The following HSPA13 variants were observed in gnomAD, a reference collection of about 807,000 sequenced individuals.
HSPA13 encodes heat shock protein family A (Hsp70) member 13.
A neutral mutation model predicts 38.8 loss-of-function variants in HSPA13; 29 were observed. That is an observed-to-expected ratio of 0.75 (90% confidence interval 0.56 to 1.02). HSPA13 has a LOEUF of 1.02. Among genes scored for constraint, HSPA13 ranks in the 50% least tolerant of loss-of-function variants. The pLI, the probability that HSPA13 is intolerant of heterozygous loss-of-function variation, is 0.00. For missense variants in HSPA13, 451 were observed against 560.9 expected (o/e 0.80, Z 1.98); for synonymous variants, 192 against 205.3 (o/e 0.94, Z 0.56).
intron 1 of HSPA13, among the ~76,000 whole-genome samples, chr21:14,381,910 T>C (rs574528091): frequency 1.7e-4 from 26 of 152,350 alleles, no homozygotes; most frequent in Non-Finnish European, 3.4e-4. Flanking sequence ...TCTTGATCAA[T>C]TGATATTTAG....
intron 4 of HSPA13, among the ~76,000 whole-genome samples, chr21:14,374,674 A>T (rs750006097): frequency 1.3e-5 from 2 of 152,240 alleles, no homozygotes; most frequent in Non-Finnish European, 2.9e-5. Flanking sequence ...CAAAATTTTA[A>T]ATTATATAAA....
intron 2 of HSPA13, among the ~76,000 whole-genome samples, chr21:14,380,656 G>C (rs1197390448): frequency 6.6e-6 from 1 of 152,058 alleles, no homozygotes; most frequent in Non-Finnish European, 1.5e-5. Flanking sequence ...TTCAAGTTAG[G>C]AAACTTTCAG....
chr21:14,371,656 G>T lies in HSPA13; in HGVS notation c.*1961C>A, dbSNP rs1168725880. Reference sequence around the variant, plus strand: ...GGAATTATTTAAATTCCAACTTCAGGACATGAGATGAGCTGCCTGCCCTAT... The same window carrying T: ...GGAATTATTTAAATTCCAACTTCAGTACATGAGATGAGCTGCCTGCCCTAT... On this transcript the variant is annotated 3_prime_UTR_variant, in exon 5 of 5. Coordinates refer to ENST00000285667, the MANE Select transcript of HSPA13 (RefSeq NM_006948.5). The T allele has an allele frequency of 6.6e-6, 1 of 151,992 alleles. No homozygotes were observed. The highest frequency in any genetic ancestry group is 2.4e-5 in the African/African-American group (1 of 41,430). The allele number at this position is 151,992 out of a possible 1,614,324, so 9.4% of individuals were successfully genotyped here.
At position 14,372,459 on chromosome 21, in the gene HSPA13, C is replaced by T. The variant is rs1277960581; in HGVS notation, c.*1158G>A. The T allele has an allele frequency of 2.0e-5, 3 of 152,082 alleles. No individual in the cohort carries two copies. The highest frequency in any genetic ancestry group is 4.4e-5 in the Non-Finnish European group (3 of 67,968). The allele number at this position is 152,082 out of a possible 1,614,324, so 9.4% of individuals were successfully genotyped here. A position where few individuals can be genotyped will look rare whatever the true frequency, so the allele number is the denominator to read the frequency against. ...GCTCCAAATGCCGATTTGTAGAAAC[C>T]TTGCCACAATGGCTTCCACATTAGA... On this transcript the variant is annotated 3_prime_UTR_variant, in exon 5 of 5. Coordinates refer to ENST00000285667, the MANE Select transcript of HSPA13 (RefSeq NM_006948.5).
Position 14,381,376 on chromosome 21 carries a change from T to A in HSPA13, c.193A>T (p.Ile65Phe). 1 of 1,614,180 alleles carries A rather than the reference T, an allele frequency of 6.2e-7. No homozygotes were observed. The highest frequency in any genetic ancestry group is 8.5e-7 in the Non-Finnish European group (1 of 1,180,028). ...VKVIPDENGH[I>F]SIPSMVSFTD... is the part of the protein sequence containing the mutation. ...AAAGACACCATGCTGGGTATGCTGA[T>A]ATGCCCATTTTCATCTGGAATCACC... The change falls in exon 2 of 5, where the codon ATC (isoleucine) becomes TTC (phenylalanine). Residue 65 changes from isoleucine to phenylalanine, a missense_variant. Ile to Phe is a conservative substitution (Grantham distance 21). Coordinates refer to ENST00000285667, the MANE Select transcript of HSPA13 (RefSeq NM_006948.5).
At chr21:14,376,159 A>T (rs1189449215) in intron 3 of HSPA13, among the ~76,000 whole-genome samples, 1 of 152,226 alleles carries the variant, frequency 6.6e-6, no homozygotes, top group African/African-American at 2.4e-5. Context: ...ATGAGCGATA[A>T]AAATTTAATC....
intron 4 of HSPA13, 29 bp from the exon 5 acceptor site, chr21:14,374,313 T>G (rs1983962559): frequency 6.5e-7 from 1 of 1,539,602 alleles, no homozygotes; most frequent in South Asian, 1.1e-5. Context: ...TTTAATATAG[T>G]TATGCATATA....
At chr21:14,375,586 C>A in intron 4 of HSPA13, 66 bp downstream of exon 4, 1 of 1,400,956 alleles carries the variant, frequency 7.1e-7, no homozygotes, top group Non-Finnish European at 9.9e-7. Flanking sequence ...CCCGCCTCGG[C>A]CTCCCAAAGT....
intron 4 of HSPA13, among the ~76,000 whole-genome samples, chr21:14,374,675 A>G (rs1269654483): frequency 6.6e-6 from 1 of 152,244 alleles, no homozygotes; most frequent in Admixed American, 6.5e-5. Context: ...AAAATTTTAA[A>G]TTATATAAAA....
chr21:14,380,307 A>G lies in HSPA13; in HGVS notation c.366+896T>C, dbSNP rs1260517896. Reference sequence around the variant, plus strand: ...AAAAAGGTAAGGAAAAGATAACAAAAACATATAATGAAGGTCTTTTATAGC... The same window carrying G: ...AAAAAGGTAAGGAAAAGATAACAAAGACATATAATGAAGGTCTTTTATAGC... On this transcript the variant is annotated intron_variant, in intron 2 of 4. Coordinates refer to ENST00000285667, the MANE Select transcript of HSPA13 (RefSeq NM_006948.5). Among the ~76,000 whole-genome samples the G allele has an allele frequency of 2.6e-5, 4 of 151,896 alleles. No individual in the cohort carries two copies. The South Asian group carries it at 8.3e-4, about 31-fold the overall frequency.
At chr21:14,375,096 A>G (rs896130236) in intron 4 of HSPA13, among the ~76,000 whole-genome samples, 1 of 152,232 alleles carries the variant, frequency 6.6e-6, no homozygotes, top group Non-Finnish European at 1.5e-5. Flanking sequence ...AGAATGCATA[A>G]TCCTATCATT....
rs1397493950 is a variant in HSPA13 at position 14,371,230 on chromosome 21, T to C, written c.*2387A>G. On this transcript the variant is annotated 3_prime_UTR_variant, in exon 5 of 5. Transcript: ENST00000285667. ...CACAATAACTGTAATATTTAGTACATGTTATACACAGCAGTATCTGTTAAG... is the reference window on the plus strand; with the variant it reads ...CACAATAACTGTAATATTTAGTACACGTTATACACAGCAGTATCTGTTAAG... 1 of 152,608 alleles carries C rather than the reference T, an allele frequency of 6.6e-6. No homozygotes were observed. The highest frequency in any genetic ancestry group is 6.6e-5 in the Admixed American group (1 of 15,256). The allele number at this position is 152,608 out of a possible 1,614,324, so 9.5% of individuals were successfully genotyped here.
intron 1 of HSPA13, among the ~76,000 whole-genome samples, chr21:14,382,540 T>TA (rs1205502182): frequency 6.6e-6 from 1 of 151,672 alleles, no homozygotes; most frequent in Non-Finnish European, 1.5e-5. Flanking sequence ...CTCAAAGAAA[T>TA]AAAACCAAGT....
At chr21:14,374,908 AT>A (rs1983981952) in intron 4 of HSPA13, among the ~76,000 whole-genome samples, 5 of 152,182 alleles carry the variant, frequency 3.3e-5, no homozygotes, top group African/African-American at 4.8e-5. Flanking sequence ...TGAAAACTAG[AT>A]AAATAATTTC....
At chr21:14,380,045 T>G (rs1019950765) in intron 2 of HSPA13, among the ~76,000 whole-genome samples, 1 of 151,804 alleles carries the variant, frequency 6.6e-6, no homozygotes, top group Non-Finnish European at 1.5e-5. Context: ...ATTTAGAATT[T>G]CACTTCATTT....
chr21:14,371,589 A>G lies in HSPA13; in HGVS notation c.*2028T>C, dbSNP rs1300466672. 6.6e-6 allele frequency: 1 copy of G among 152,134 alleles called. No homozygotes were observed. Among genetic ancestry groups the G allele is most frequent in the Non-Finnish European group, 1.5e-5 (1 of 67,954 alleles). 9.4% of individuals were successfully genotyped at this position (152,134 alleles called of 1,614,324 possible). A position where few individuals can be genotyped will look rare whatever the true frequency, so the allele number is the denominator to read the frequency against. On this transcript the variant is annotated 3_prime_UTR_variant, in exon 5 of 5. Transcript: ENST00000285667. ...TATATACTAGAGAATATGCTCAACT[A>G]CTGCCTCCAAATTCCAACACTGTCA...
Position 14,375,807 on chromosome 21 carries a change from A to G in HSPA13, c.593T>C (p.Leu198Ser). 6.2e-7 allele frequency: 1 copy of G among 1,613,690 alleles called. No homozygotes were observed. The change falls in exon 4 of 5, where the codon TTG (leucine) becomes TCG (serine). Residue 198 changes from leucine (L) to serine (S), a missense_variant. Transcript: ENST00000285667. ...TGCTGTGGGTTCATTTATTACCCTCAAAATCTTCAGTCCTGTAAGATTGGT... is the reference window on the plus strand; with the variant it reads ...TGCTGTGGGTTCATTTATTACCCTCGAAATCTTCAGTCCTGTAAGATTGGT... ...EAANLAGLKI[L>S]RVINEPTAAA...
At position 14,374,206 on chromosome 21, in the gene HSPA13, C is replaced by T. The variant is rs1462594437; in HGVS notation, c.827G>A (p.Gly276Asp). 1 of 1,613,050 alleles carries T rather than the reference C, an allele frequency of 6.2e-7. No homozygotes were observed. The highest frequency in any genetic ancestry group is 8.5e-7 in the Non-Finnish European group (1 of 1,179,966). ...TTCCTCTTTCCTAGAGGGCACGAAG[C>T]CATATGTTTGATAGATCTGTTTATA... ...YLYKQIYQTYGFVPSRKEEIH... is the reference protein window; with the variant it reads ...YLYKQIYQTYDFVPSRKEEIH... Residue 276 changes from glycine to aspartate, a missense_variant, in exon 5 of 5, where the codon GGC becomes GAC. Transcript: ENST00000285667.
intron 1 of HSPA13, among the ~76,000 whole-genome samples, chr21:14,382,161 C>T (rs2822647): frequency 0.57 from 86,045 of 151,918 alleles, 25,876 homozygotes; most frequent in Non-Finnish European, 0.68. Flanking sequence ...TAAGTATGAA[C>T]TAGGGACTTC....
Sources: gnomAD v4.1 joint callset for allele counts (sites outside exome capture counted in the v4.1 genomes callset) on GRCh38, gnomAD v4.1.1 for gene constraint, MANE v1.5 for transcripts, NCBI Gene and HGNC (gene_info 2026-07-23, HGNC 2026-07-21) for gene names.